The following UMAD1 variants were observed in gnomAD, a reference collection of about 807,000 sequenced individuals.
UMAD1 encodes the protein UBAP1-MVB12-associated (UMA)-domain containing protein 1.
Under a neutral mutation model 6.1 loss-of-function variants are expected in UMAD1, and 8 were observed. The observed-to-expected ratio is 1.30, with a 90% CI of 0.76 to 2.35. UMAD1 has a LOEUF of 2.35. Ranked by LOEUF, UMAD1 falls within the 30% of genes most tolerant of loss-of-function variation. The pLI, the probability that UMAD1 is intolerant of heterozygous loss-of-function variation, is 0.00. For synonymous variants in UMAD1, 56 were observed against 31.4 expected (o/e 1.78, Z -2.61); for missense variants, 130 against 78.4 (o/e 1.66, Z -2.49).
chr7:7,731,087 C>T (rs1313974200), intron 2 of UMAD1, among the ~76,000 whole-genome samples: 1 of 152,200 alleles, frequency 6.6e-6, no homozygotes, highest in Non-Finnish European at 1.5e-5. Context: ...CAACCTCCGC[C>T]TCCCGGGTTC....
At chr7:7,748,138 G>T (rs1781610110) in intron 2 of UMAD1, among the ~76,000 whole-genome samples, 1 of 146,354 alleles carries the variant, frequency 6.8e-6, no homozygotes, top group African/African-American at 2.7e-5. Context: ...TAGAGACGGG[G>T]TTTCACCATG....
rs142069229 is a variant in UMAD1, at chr7:7,784,100, G to A, written c.83-17570G>A. On this transcript the variant is annotated intron_variant, in intron 2 of 3. Transcript: ENST00000682710. Reference sequence around the variant, plus strand: ...TTTATAATTGTATTAGAAGAAGTGTGGATCTTGACTGTAGACAGACTTTAG... The same window carrying A: ...TTTATAATTGTATTAGAAGAAGTGTAGATCTTGACTGTAGACAGACTTTAG... Among the ~76,000 whole-genome samples the A allele has an allele frequency of 5.8e-4, 88 of 150,448 alleles. 2 individuals are homozygous for A. The East Asian group carries it at 0.016, about 28-fold the overall frequency.
chr7:7,862,739 G>A (rs572322016), intron 3 of UMAD1, among the ~76,000 whole-genome samples: 2 of 152,260 alleles, frequency 1.3e-5, no homozygotes, highest in Non-Finnish European at 2.9e-5. Flanking sequence ...TAGCGGCACA[G>A]TCTTTATTTT....
chr7:7,816,375 T>C (rs1334195484), intron 3 of UMAD1, among the ~76,000 whole-genome samples: 1 of 152,202 alleles, frequency 6.6e-6, no homozygotes, highest in Non-Finnish European at 1.5e-5. Context: ...TAACTATATA[T>C]TGACTTCAAT....
Position 7,878,559 on chromosome 7 carries a change from T to C in UMAD1, c.*1021T>C. On this transcript the variant is annotated 3_prime_UTR_variant, in exon 4 of 4. Transcript: ENST00000682710. Reference sequence around the variant, plus strand: ...TGAAAACAGAACTGCCATTGGTCAATAAACTGTAAAGGGAAGAGGTAAATT... The same window carrying C: ...TGAAAACAGAACTGCCATTGGTCAACAAACTGTAAAGGGAAGAGGTAAATT... 1 of 152,320 alleles carries C rather than the reference T, an allele frequency of 6.6e-6. No individual in the cohort carries two copies. The highest frequency in any genetic ancestry group is 1.9e-4 in the East Asian group (1 of 5,186). The allele number at this position is 152,320 out of a possible 1,614,324, so 9.4% of individuals were successfully genotyped here.
intron 3 of UMAD1, 103 bp downstream of exon 3, chr7:7,801,846 A>G: frequency 3.0e-6 from 2 of 661,978 alleles, no homozygotes; most frequent in Non-Finnish European, 5.6e-6. Flanking sequence ...GCTATGCCAT[A>G]GGTGCCTGAA....
chr7:7,749,150 G>A (rs1422763173), intron 2 of UMAD1, among the ~76,000 whole-genome samples: 1 of 152,156 alleles, frequency 6.6e-6, no homozygotes, highest in African/African-American at 2.4e-5. Flanking sequence ...GTTTGTGGGG[G>A]ATTCCATAAC....
intron 2 of UMAD1, among the ~76,000 whole-genome samples, chr7:7,763,057 T>G (rs1781922109): frequency 6.6e-6 from 1 of 152,122 alleles, no homozygotes; most frequent in Non-Finnish European, 1.5e-5. Flanking sequence ...ATCCTGAAAT[T>G]CTCTAGCCAA....
chr7:7,847,094 AAAAAAAAAAAATATATATATAT>A (rs1783803875), intron 3 of UMAD1, among the ~76,000 whole-genome samples: 2 of 42,718 alleles, frequency 4.7e-5, no homozygotes, highest in African/African-American at 3.3e-4. Context: ...ATGCAAAAAA[AAAAAAAAAAAATATATATATAT>A]ATATATATAT....
intron 3 of UMAD1, among the ~76,000 whole-genome samples, chr7:7,803,591 A>C (rs912568099): frequency 1.3e-5 from 2 of 152,354 alleles, no homozygotes; most frequent in Non-Finnish European, 2.9e-5. Flanking sequence ...TGCTACAGCA[A>C]AATACCATAA....
chr7:7,790,543 T>C (rs1350276199), intron 2 of UMAD1, among the ~76,000 whole-genome samples: 1 of 152,226 alleles, frequency 6.6e-6, no homozygotes, highest in African/African-American at 2.4e-5. Flanking sequence ...TGATTCACTA[T>C]TGCTGTGTCT....
At chr7:7,667,089 G>A (rs1779483062) in intron 1 of UMAD1, among the ~76,000 whole-genome samples, 1 of 152,170 alleles carries the variant, frequency 6.6e-6, no homozygotes, top group African/African-American at 2.4e-5. Flanking sequence ...GATTACAGGC[G>A]TCAGCCACTG....
chr7:7,678,056 G>A (rs1779792971), intron 2 of UMAD1, among the ~76,000 whole-genome samples: 1 of 152,184 alleles, frequency 6.6e-6, no homozygotes, highest in South Asian at 2.1e-4. Flanking sequence ...ACATGGGAAT[G>A]TGGACGTCTC....
chr7:7,732,495 C>A (rs1340322538), intron 2 of UMAD1, among the ~76,000 whole-genome samples: 1 of 151,954 alleles, frequency 6.6e-6, no homozygotes, highest in East Asian at 1.9e-4. Context: ...GTATTTATGA[C>A]AGAAAAAAAT....
At chr7:7,725,625 C>T (rs898474050) in intron 2 of UMAD1, among the ~76,000 whole-genome samples, 11 of 152,186 alleles carry the variant, frequency 7.2e-5, no homozygotes, top group African/African-American at 2.7e-4. Context: ...GAACTGGGTG[C>T]TTTCTGACCC....
At chr7:7,861,608 C>T (rs1397996907) in intron 3 of UMAD1, among the ~76,000 whole-genome samples, 1 of 152,156 alleles carries the variant, frequency 6.6e-6, no homozygotes, top group Admixed American at 6.5e-5. Context: ...AATTTCTGTA[C>T]TCAGTTTGGT....
At chr7:7,762,709 G>C (rs939160199) in intron 2 of UMAD1, among the ~76,000 whole-genome samples, 1 of 152,140 alleles carries the variant, frequency 6.6e-6, no homozygotes, top group Non-Finnish European at 1.5e-5. Flanking sequence ...CCCTGTCTTA[G>C]AGTGATATAA....
intron 2 of UMAD1, among the ~76,000 whole-genome samples, chr7:7,729,793 A>G (rs756537029): frequency 1.3e-5 from 2 of 152,190 alleles, no homozygotes; most frequent in African/African-American, 2.4e-5. Context: ...GCTCCAGATT[A>G]TATAATCACA....
At chr7:7,722,876 G>A (rs1781075365) in intron 2 of UMAD1, among the ~76,000 whole-genome samples, 1 of 152,066 alleles carries the variant, frequency 6.6e-6, no homozygotes, top group Non-Finnish European at 1.5e-5. Flanking sequence ...ATGAAGCTGG[G>A]GACACTGAGC....
Sources: allele counts gnomAD v4.1 joint callset (sites outside exome capture counted in the v4.1 genomes callset), GRCh38; gene constraint gnomAD v4.1.1; transcripts MANE v1.5; gene names NCBI Gene and HGNC (gene_info 2026-07-23, HGNC 2026-07-21).